CTBP2: variants seen among roughly 807,000 people sequenced by gnomAD.
The protein encoded by CTBP2 is C-terminal-binding protein 2.
In CTBP2, 30 loss-of-function variants were observed where a neutral mutation model predicts 80.3. The observed-to-expected ratio is 0.37, with a 90% CI of 0.28 to 0.51. The LOEUF (loss-of-function observed/expected upper bound fraction) is 0.51, where lower values mean the gene tolerates loss of function less well. CTBP2 is among the 20% of genes least tolerant of loss of function. The pLI is 0.93. For missense variants in CTBP2, 1,212 were observed against 1,375.3 expected, an observed-to-expected ratio of 0.88 and a Z score of 1.88; for synonymous variants, 594 against 587.4, an observed-to-expected ratio of 1.01 and a Z score of -0.16.
At chr10:124,997,909 T>A in intron 4 of CTBP2, 55 bp downstream of exon 6, 2 of 1,562,348 alleles carry the variant, frequency 1.3e-6, no homozygotes. Flanking sequence ...GGGTCCCCAC[T>A]ACACCAGCCC....
chr10:125,140,876 A>C (rs1857691780), intron 1 of CTBP2, among the ~76,000 whole-genome samples: 1 of 151,838 alleles, frequency 6.6e-6, no homozygotes, highest in Non-Finnish European at 1.5e-5. Context: ...ATGGTGGCTC[A>C]CACCTGCATA....
chr10:125,065,738 T>C (rs937613096), intron 2 of CTBP2, among the ~76,000 whole-genome samples: 1 of 152,140 alleles, frequency 6.6e-6, no homozygotes, highest in African/African-American at 2.4e-5. Context: ...GTGCTCCATA[T>C]GAAGAAGCTG....
At chr10:125,011,714 G>C (rs1484979843) in intron 1 of CTBP2, among the ~76,000 whole-genome samples, 1 of 152,242 alleles carries the variant, frequency 6.6e-6, no homozygotes, top group Non-Finnish European at 1.5e-5. Flanking sequence ...ACCCTGCAGT[G>C]TCCGCGCTAT....
chr10:125,136,774 C>A (rs145003326), intron 1 of CTBP2, among the ~76,000 whole-genome samples: 90 of 152,314 alleles, frequency 5.9e-4, no homozygotes, highest in Middle Eastern at 6.8e-3. Context: ...TACAAGACAC[C>A]GTCCAAACGC....
chr10:125,008,579 G>A (rs1036067352), intron 1 of CTBP2, among the ~76,000 whole-genome samples: 2 of 152,242 alleles, frequency 1.3e-5, no homozygotes, highest in African/African-American at 4.8e-5. Context: ...GTTGTAAGAA[G>A]TACCTGGATC....
At chr10:125,159,797 T>A (rs1861624223) in intron 1 of CTBP2, 1 of 149,570 alleles carries the variant, frequency 6.7e-6, no homozygotes, top group Admixed American at 6.6e-5. Flanking sequence ...GGCCGTATTG[T>A]CCCCGCGGCG....
chr10:124,996,697 T>G (rs1267253212), intron 4 of CTBP2: 1 of 151,996 alleles, frequency 6.6e-6, no homozygotes, highest in Non-Finnish European at 1.5e-5. Flanking sequence ...AGGGTGCTCA[T>G]GACCACCCCC....
intron 2 of CTBP2, among the ~76,000 whole-genome samples, chr10:125,039,874 T>TAAC (rs951220437): frequency 3.9e-5 from 6 of 152,160 alleles, no homozygotes; most frequent in Admixed American, 1.3e-4. Flanking sequence ...TGTGAGAGTG[T>TAAC]AACCATCCCC....
intron 1 of CTBP2, among the ~76,000 whole-genome samples, chr10:125,137,402 C>T (rs1857135587): frequency 6.6e-6 from 1 of 152,192 alleles, no homozygotes; most frequent in South Asian, 2.1e-4. Flanking sequence ...TCTGTCCTCA[C>T]CATCTTGTCA....
chr10:125,005,974 G>C (rs1165010776), intron 1 of CTBP2: 6 of 1,465,740 alleles, frequency 4.1e-6, no homozygotes, highest in Non-Finnish European at 5.4e-6. Context: ...GGAATCCAGA[G>C]CCGCTGATGC....
intron 2 of CTBP2, among the ~76,000 whole-genome samples, chr10:125,093,761 C>G (rs1286578874): frequency 1.3e-5 from 2 of 152,152 alleles, no homozygotes; most frequent in Non-Finnish European, 2.9e-5. Flanking sequence ...CCAGGACGCT[C>G]AGGGGGCAGC....
chr10:125,081,538 A>G (rs57299337), intron 2 of CTBP2, among the ~76,000 whole-genome samples: 23,107 of 152,192 alleles, frequency 0.15, 1,853 homozygotes, highest in Middle Eastern at 0.24. Context: ...GTGTTTCTGT[A>G]TATGAGAGAA....
At chr10:125,070,779 C>T (rs1020938360) in intron 2 of CTBP2, among the ~76,000 whole-genome samples, 1 of 152,008 alleles carries the variant, frequency 6.6e-6, no homozygotes, top group African/African-American at 2.4e-5. Flanking sequence ...GATTCTCCTG[C>T]CTCAGCCTCC....
intron 2 of CTBP2, among the ~76,000 whole-genome samples, chr10:125,093,279 G>T (rs1026342359): frequency 2.0e-5 from 3 of 152,180 alleles, no homozygotes; most frequent in Non-Finnish European, 4.4e-5. Context: ...GAACCCTGCG[G>T]CCCACAAGGA....
chr10:125,077,194 C>T (rs1333087595), intron 2 of CTBP2, among the ~76,000 whole-genome samples: 1 of 152,156 alleles, frequency 6.6e-6, no homozygotes, highest in Non-Finnish European at 1.5e-5. Flanking sequence ...ACCAAAATGT[C>T]GCTATTGTAA....
chr10:125,043,619 G>C (rs1379399556), intron 2 of CTBP2, among the ~76,000 whole-genome samples: 1 of 151,380 alleles, frequency 6.6e-6, no homozygotes, highest in Admixed American at 6.6e-5. Context: ...TGTACTTTTA[G>C]TAGAGACTGG....
chr10:125,010,219 T>TAA (rs59517853), intron 1 of CTBP2, among the ~76,000 whole-genome samples: 6,833 of 105,794 alleles, frequency 0.065, 499 homozygotes, highest in African/African-American at 0.18. Context: ...ATTTTAAGGT[T>TAA]AAAAAAAAAA....
rs770054294 is a variant in CTBP2, at chr10:125,003,331, G to A, written c.1833+7C>T. ...GTGCAGGCCCCGGCCGGGCAGGGTG[G>A]GCCCACCTTCTCGTGGATTTCCTGC... On this transcript the variant is annotated splice_region_variant and intron_variant, in intron 2 of 8. Coordinates refer to ENST00000309035, the MANE Select transcript of CTBP2 (RefSeq NM_022802.3). The A allele has an allele frequency of 3.7e-6, 6 of 1,607,226 alleles. No homozygotes were observed. The highest frequency in any genetic ancestry group is 2.2e-5 in the East Asian group (1 of 44,860).
At chr10:125,016,029 C>CGG (rs3837351) in intron 1 of CTBP2, among the ~76,000 whole-genome samples, 2 of 152,022 alleles carry the variant, frequency 1.3e-5, no homozygotes, top group South Asian at 2.1e-4. Flanking sequence ...GCTGGGTACC[C>CGG]GGATCCCTGC....
Sources: allele counts gnomAD v4.1 joint callset (sites outside exome capture counted in the v4.1 genomes callset), GRCh38; gene constraint gnomAD v4.1.1; transcripts MANE v1.5; gene names NCBI Gene and HGNC (gene_info 2026-07-23, HGNC 2026-07-21).